HOXA7: variants seen among roughly 807,000 people sequenced by gnomAD.
The protein encoded by HOXA7 is homeobox A7.
Under a neutral mutation model 16.8 loss-of-function variants are expected in HOXA7, and 16 were observed. That is an observed-to-expected ratio of 0.95 (90% confidence interval 0.64 to 1.44). The LOEUF is 1.44. Ranked by LOEUF, HOXA7 falls within the 40% of genes most tolerant of loss-of-function variation. The probability of loss-of-function intolerance (pLI) is 0.00; values close to 1 mark genes in which losing one functional copy is unlikely to be tolerated. For synonymous variants in HOXA7, 169 were observed against 144.3 expected (o/e 1.17, Z -1.23); for missense variants, 379 against 328.6 (o/e 1.15, Z -1.19).
chr7:27,156,404 C>T lies in HOXA7; in HGVS notation c.142G>A (p.Ala48Thr), dbSNP rs749850344. 2 of 1,613,762 alleles carry T rather than the reference C, an allele frequency of 1.2e-6. No individual in the cohort carries two copies. Among genetic ancestry groups the T allele is most frequent in the East Asian group, 4.5e-5 (2 of 44,850 alleles). ...SGYGAGAGAF[A>T]STVPGLYNVN... ...TTGTATAAGCCCGGAACGGTCGAGG[C>T]GAAGGCGCCGGCGCCCGCCCCGTAG... Residue 48 changes from alanine (A) to threonine (T), a missense_variant, in exon 1 of 2, where the codon GCC becomes ACC. By Grantham distance (58) the Ala-to-Thr change is moderately conservative. Transcript: ENST00000242159.
chr7:27,154,692 G>T lies in HOXA7; in HGVS notation c.*217C>A, dbSNP rs1002480428. The stretch of plus-strand genomic sequence containing the variant: ...CTCGGAGGCAGAGGGAATCCAAGGC[G>T]ACCCAGTCTCTGCGGCCGCTCAGTC... On this transcript the variant is annotated 3_prime_UTR_variant, in exon 2 of 2. Coordinates refer to ENST00000242159, the MANE Select transcript of HOXA7 (RefSeq NM_006896.4). 2.0e-5 allele frequency: 13 copies of T among 662,482 alleles called. No homozygotes were observed. Among genetic ancestry groups the T allele is most frequent in the African/African-American group, 1.8e-4 (10 of 54,842 alleles). The allele number at this position is 662,482 out of a possible 1,614,324, so 41.0% of individuals were successfully genotyped here. A position where few individuals can be genotyped will look rare whatever the true frequency, so the allele number is the denominator to read the frequency against.
intron 1 of HOXA7, 167 bp downstream of exon 1, chr7:27,156,000 T>G: frequency 1.3e-6 from 1 of 787,700 alleles, no homozygotes; most frequent in Non-Finnish European, 1.8e-6. Flanking sequence ...GCGCCTCCGC[T>G]CCAATTAAAA....
chr7:27,154,915 C>T lies in HOXA7; in HGVS notation c.687G>A (p.Glu229=), dbSNP rs1562737167. The change falls in exon 2 of 2, where the codon GAG becomes GAA. Residue 229 remains glutamate, a synonymous_variant. Coordinates refer to ENST00000242159, the MANE Select transcript of HOXA7 (RefSeq NM_006896.4). ...AGGGCCCCGGATCGGCCCCTCATTC[C>T]TCCTCGTCTTCCTCTTCTTCATCAT... The part of the protein sequence containing the change: ...EDDDEEEEDE[E]E The T allele has an allele frequency of 4.4e-6, 7 of 1,608,486 alleles. No individual in the cohort carries two copies. In the Admixed American group the frequency reaches 1.0e-4, roughly 23 times the overall value.
rs776477605 is a variant in HOXA7 at position 27,156,383 on chromosome 7, A to G, written c.163T>C (p.Tyr55His). The G allele has an allele frequency of 6.2e-7, 1 of 1,613,974 alleles. No individual in the cohort carries two copies. The highest frequency in any genetic ancestry group is 1.1e-5 in the South Asian group (1 of 91,086). ...GAFASTVPGL[Y>H]NVNSPLYQSP... ...TGATAAAGGGGGCTGTTGACATTGT[A>G]TAAGCCCGGAACGGTCGAGGCGAAG... Residue 55 changes from tyrosine to histidine, a missense_variant, in exon 1 of 2, where the codon TAC becomes CAC. Coordinates refer to ENST00000242159, the MANE Select transcript of HOXA7 (RefSeq NM_006896.4).
In HOXA7 at chr7:27,154,827, C is replaced by A; in HGVS notation, c.*82G>T. On this transcript the variant is annotated 3_prime_UTR_variant, in exon 2 of 2. Transcript: ENST00000242159. ...TTTTTTACATTTTCTTTTATTTTTC[C>A]CATTTTTGTAAGTAAAACCAGTGAG... is the stretch of plus-strand genomic sequence containing the variant. 6.7e-7 allele frequency: 1 copy of A among 1,483,766 alleles called. No individual in the cohort carries two copies. The allele number at this position is 1,483,766 out of a possible 1,614,324, so 91.9% of individuals were successfully genotyped here.
rs968929329 is a variant in HOXA7, at chr7:27,154,751, G to T, written c.*158C>A. On this transcript the variant is annotated 3_prime_UTR_variant, in exon 2 of 2. Transcript: ENST00000242159. ...TTGGGAGCTGGAGTAGGTGATGGGGGTGGGTAGAGTGCAGGTTGGGGACTG... is the reference window on the plus strand; with the variant it reads ...TTGGGAGCTGGAGTAGGTGATGGGGTTGGGTAGAGTGCAGGTTGGGGACTG... 9 of 1,050,052 alleles carry T rather than the reference G, an allele frequency of 8.6e-6. No individual in the cohort carries two copies. The African/African-American group carries it at 1.1e-4, about 13-fold the overall frequency. 65.0% of individuals were successfully genotyped at this position (1,050,052 alleles called of 1,614,324 possible).
chr7:27,156,607 T>G lies in HOXA7; in HGVS notation c.-62A>C. ...GTGTCGGTTTTACGAGGTAGAGTGA[T>G]ATATGATAACATTACACCCCCAGAT... On this transcript the variant is annotated 5_prime_UTR_variant, in exon 1 of 2. Coordinates refer to ENST00000242159, the MANE Select transcript of HOXA7 (RefSeq NM_006896.4). 1.3e-6 allele frequency: 2 copies of G among 1,504,442 alleles called. No individual in the cohort carries two copies. Among genetic ancestry groups the G allele is most frequent in the South Asian group, 2.6e-5 (2 of 76,024 alleles). The allele number at this position is 1,504,442 out of a possible 1,614,324, so 93.2% of individuals were successfully genotyped here. A position where few individuals can be genotyped will look rare whatever the true frequency, so the allele number is the denominator to read the frequency against.
rs1265813218 is a variant in HOXA7 at position 27,154,897 on chromosome 7, C to T, written c.*12G>A. The T allele has an allele frequency of 1.2e-6, 2 of 1,601,404 alleles. No homozygotes were observed. The highest frequency in any genetic ancestry group is 1.7e-4 in the Middle Eastern group (1 of 5,976). ...CGACTGTCCGGTGCAGAGAGGGCCC[C>T]GGATCGGCCCCTCATTCCTCCTCGT... On this transcript the variant is annotated 3_prime_UTR_variant, in exon 2 of 2. Transcript: ENST00000242159.
rs1317286011 is a variant in HOXA7, at chr7:27,156,635, A to C, written c.-90T>G. ...ATGATAACATTACACCCCCAGATTT[A>C]CACCAAACCCCATTTTCTTTTGGAC... On this transcript the variant is annotated 5_prime_UTR_variant, in exon 1 of 2. Coordinates refer to ENST00000242159, the MANE Select transcript of HOXA7 (RefSeq NM_006896.4). 1 of 1,372,018 alleles carries C rather than the reference A, an allele frequency of 7.3e-7. No homozygotes were observed. The highest frequency in any genetic ancestry group is 2.3e-5 in the East Asian group (1 of 42,804). The allele number at this position is 1,372,018 out of a possible 1,614,324, so 85.0% of individuals were successfully genotyped here.
At position 27,154,778 on chromosome 7, in the gene HOXA7, G is replaced by A; in HGVS notation, c.*131C>T. 2 of 1,351,942 alleles carry A rather than the reference G, an allele frequency of 1.5e-6. No individual in the cohort carries two copies. The highest frequency in any genetic ancestry group is 1.6e-5 in the South Asian group (1 of 63,566). The allele number at this position is 1,351,942 out of a possible 1,614,324, so 83.7% of individuals were successfully genotyped here. A position where few individuals can be genotyped will look rare whatever the true frequency, so the allele number is the denominator to read the frequency against. ...GGGTAGAGTGCAGGTTGGGGACTGG[G>A]TTGCTTTTTTGTTTTTGTTTTTGTT... On this transcript the variant is annotated 3_prime_UTR_variant, in exon 2 of 2. Transcript: ENST00000242159.
At position 27,154,895 on chromosome 7, in the gene HOXA7, CCCGGA is replaced by C. The variant is rs757580952; in HGVS notation, c.*9_*13del. 1.2e-6 allele frequency: 2 copies of C among 1,600,922 alleles called. No individual in the cohort carries two copies. On this transcript the variant is annotated 3_prime_UTR_variant, in exon 2 of 2. Transcript: ENST00000242159. The stretch of plus-strand genomic sequence containing the variant: ...TCCGACTGTCCGGTGCAGAGAGGGC[CCCGGA>C]TCGGCCCCTCATTCCTCCTCGTCTT...
Position 27,156,274 on chromosome 7 carries a change from C to T in HOXA7, c.272G>A (p.Gly91Glu). Reference sequence around the variant, plus strand: ...GCCTTTGGCGAGGTCACTGCAGAGCCCGGGGATGTTTTGGTCGTAGGAGGC... The same window carrying T: ...GCCTTTGGCGAGGTCACTGCAGAGCTCGGGGATGTTTTGGTCGTAGGAGGC... ...PCASYDQNIP[G>E]LCSDLAKGAC... Residue 91 changes from glycine (G) to glutamate (E), a missense_variant, in exon 1 of 2, where the codon GGG becomes GAG. Gly to Glu is a moderately conservative substitution (Grantham distance 98). Transcript: ENST00000242159. 3 of 1,613,182 alleles carry T rather than the reference C, an allele frequency of 1.9e-6. No homozygotes were observed. The highest frequency in any genetic ancestry group is 2.5e-6 in the Non-Finnish European group (3 of 1,179,732).
chr7:27,154,746 T>TG lies in HOXA7; in HGVS notation c.*162dup, dbSNP rs2128065870. 1.0e-6 allele frequency: 1 copy of TG among 1,001,844 alleles called. No homozygotes were observed. Among genetic ancestry groups the TG allele is most frequent in the Non-Finnish European group, 1.4e-6 (1 of 710,302 alleles). 62.1% of individuals were successfully genotyped at this position (1,001,844 alleles called of 1,614,324 possible). On this transcript the variant is annotated 3_prime_UTR_variant, in exon 2 of 2. Transcript: ENST00000242159. ...AAAAGTTGGGAGCTGGAGTAGGTGATGGGGGTGGGTAGAGTGCAGGTTGGG... is the reference window on the plus strand; with the variant it reads ...AAAAGTTGGGAGCTGGAGTAGGTGATGGGGGGTGGGTAGAGTGCAGGTTGGG...
chr7:27,155,965 A>G (rs111900452), intron 1 of HOXA7: 292 of 506,192 alleles, frequency 5.8e-4, no homozygotes, highest in African/African-American at 5.5e-3. Flanking sequence ...TCATTTACAT[A>G]CAATGCTATG....
Position 27,156,265 on chromosome 7 carries a change from C to T in HOXA7, c.281G>A (p.Ser94Asn). ...GTCGCAGGCGCCTTTGGCGAGGTCACTGCAGAGCCCGGGGATGTTTTGGTC... is the reference window on the plus strand; with the variant it reads ...GTCGCAGGCGCCTTTGGCGAGGTCATTGCAGAGCCCGGGGATGTTTTGGTC... ...SYDQNIPGLC[S>N]DLAKGACDKT... The change falls in exon 1 of 2, where the codon AGT becomes AAT. Residue 94 changes from serine to asparagine, a missense_variant. By Grantham distance (46) the Ser-to-Asn change is conservative. Coordinates refer to ENST00000242159, the MANE Select transcript of HOXA7 (RefSeq NM_006896.4). 1 of 1,612,632 alleles carries T rather than the reference C, an allele frequency of 6.2e-7. No homozygotes were observed. The highest frequency in any genetic ancestry group is 8.5e-7 in the Non-Finnish European group (1 of 1,179,512).
intron 1 of HOXA7, 108 bp downstream of exon 1, chr7:27,156,059 T>C: frequency 7.6e-7 from 1 of 1,315,996 alleles, no homozygotes; most frequent in Non-Finnish European, 9.8e-7. Flanking sequence ...CGCAACAGCC[T>C]GGCTCCGCTC....
chr7:27,155,499 C>T, intron 1 of HOXA7: 2 of 498,356 alleles, frequency 4.0e-6, no homozygotes, highest in Non-Finnish European at 7.1e-6. Flanking sequence ...TCCACAATGT[C>T]CTGCTTCCTC....
At position 27,154,596 on chromosome 7, in the gene HOXA7, G is replaced by A; in HGVS notation, c.*313C>T. The A allele has an allele frequency of 2.6e-6, 1 of 385,642 alleles. No homozygotes were observed. The highest frequency in any genetic ancestry group is 4.3e-5 in the Admixed American group (1 of 22,996). The allele number at this position is 385,642 out of a possible 1,614,324, so 23.9% of individuals were successfully genotyped here. On this transcript the variant is annotated 3_prime_UTR_variant, in exon 2 of 2. Transcript: ENST00000242159. ...TTGGGGGTGCCTCGAGCAGAGGCCT[G>A]TGCTAGGTAGTATTTTGGACGCGCC...
rs752257793 is a variant in HOXA7 at position 27,156,393 on chromosome 7, A to C, written c.153T>G (p.Val51=). The C allele has an allele frequency of 2.1e-5, 34 of 1,613,674 alleles. No individual in the cohort carries two copies. The highest frequency in any genetic ancestry group is 2.5e-5 in the Non-Finnish European group (30 of 1,179,816). The change falls in exon 1 of 2, where the codon GTT becomes GTG. Residue 51 remains valine, a synonymous_variant. Transcript: ENST00000242159. The part of the protein sequence containing the change: ...GAGAGAFAST[V]PGLYNVNSPL... ...GGCTGTTGACATTGTATAAGCCCGG[A>C]ACGGTCGAGGCGAAGGCGCCGGCGC...
Sources: gnomAD v4.1 joint callset for allele counts on GRCh38, gnomAD v4.1.1 for gene constraint, MANE v1.5 for transcripts, NCBI Gene and HGNC (gene_info 2026-07-23, HGNC 2026-07-21) for gene names.